The following ABCC4 variants were observed in gnomAD, a reference collection of about 807,000 sequenced individuals.
ABCC4 encodes ATP binding cassette subfamily C member 4 (PEL blood group).
In ABCC4, 102 loss-of-function variants were observed where a neutral mutation model predicts 168.5. The observed-to-expected ratio is 0.61, with a 90% CI of 0.52 to 0.71. The LOEUF (loss-of-function observed/expected upper bound fraction) is 0.71. Among genes scored for constraint, ABCC4 ranks in the 30% least tolerant of loss-of-function variants. The pLI is 0.00. For missense variants in ABCC4, 1,402 were observed against 1,605.8 expected (o/e 0.87, Z 2.17); for synonymous variants, 617 against 590.7 (o/e 1.04, Z -0.65).
chr13:95,107,138 T>G (rs1011734861), intron 20 of ABCC4, among the ~76,000 whole-genome samples: 2 of 151,978 alleles, frequency 1.3e-5, no homozygotes, highest in African/African-American at 4.8e-5. Context: ...TCACCTGTAA[T>G]CCCAGCTACC....
intron 20 of ABCC4, among the ~76,000 whole-genome samples, chr13:95,099,780 G>A (rs903021715): frequency 6.6e-5 from 10 of 152,094 alleles, no homozygotes; most frequent in Non-Finnish European, 1.5e-5. Context: ...ATGACTCAAC[G>A]CAAATGAGAG....
intron 4 of ABCC4, among the ~76,000 whole-genome samples, chr13:95,223,160 T>C (rs987398194): frequency 3.9e-5 from 6 of 152,336 alleles, no homozygotes; most frequent in Non-Finnish European, 8.8e-5. Context: ...AACAGGCCTA[T>C]GAGTTCAGCC....
intron 25 of ABCC4, among the ~76,000 whole-genome samples, chr13:95,064,311 C>T (rs1035679919): frequency 7.2e-6 from 1 of 138,572 alleles, no homozygotes; most frequent in African/African-American, 2.8e-5. Context: ...CACACACACA[C>T]CAATTGAATT....
chr13:95,057,331 T>C (rs935634493), intron 26 of ABCC4, among the ~76,000 whole-genome samples: 1 of 152,028 alleles, frequency 6.6e-6, no homozygotes, highest in Admixed American at 6.6e-5. Context: ...CCTCTGCCTC[T>C]GGGGTTCAAG....
At chr13:95,215,780 TTAAAG>T (rs1335938643) in intron 4 of ABCC4, among the ~76,000 whole-genome samples, 1 of 152,184 alleles carries the variant, frequency 6.6e-6, no homozygotes, top group African/African-American at 2.4e-5. Context: ...CTGAAATATT[TTAAAG>T]TAAATGATAA....
At chr13:95,290,103 AATAG>A (rs72443922) in intron 1 of ABCC4, among the ~76,000 whole-genome samples, 8,614 of 113,644 alleles carry the variant, frequency 0.076, 306 homozygotes, top group South Asian at 0.12. Context: ...TCTCAAAAAA[AATAG>A]ATAGATAGAT....
chr13:95,120,439 C>T (rs557947535), intron 19 of ABCC4, among the ~76,000 whole-genome samples: 2 of 151,740 alleles, frequency 1.3e-5, no homozygotes, highest in South Asian at 2.1e-4. Context: ...TGGTGGTGGG[C>T]GCCTTTAATC....
chr13:95,158,646 C>A (rs2036962042), intron 19 of ABCC4, among the ~76,000 whole-genome samples: 1 of 152,206 alleles, frequency 6.6e-6, no homozygotes, highest in Non-Finnish European at 1.5e-5. Flanking sequence ...CTACCCCACT[C>A]AAAGAACACT....
intron 19 of ABCC4, among the ~76,000 whole-genome samples, chr13:95,139,682 G>T (rs894700818): frequency 6.6e-6 from 1 of 152,158 alleles, no homozygotes; most frequent in Non-Finnish European, 1.5e-5. Context: ...CTTGTTCTTT[G>T]TTCTATGTTC....
At chr13:95,180,935 A>C (rs2037869126) in intron 11 of ABCC4, among the ~76,000 whole-genome samples, 1 of 152,184 alleles carries the variant, frequency 6.6e-6, no homozygotes, top group African/African-American at 2.4e-5. Flanking sequence ...CAAACTATTT[A>C]TGGACACGCC....
intron 6 of ABCC4, among the ~76,000 whole-genome samples, chr13:95,208,230 G>A (rs1010796532): frequency 6.6e-6 from 1 of 151,774 alleles, no homozygotes; most frequent in East Asian, 1.9e-4. Context: ...AAAGGCACCC[G>A]AGCCTGACGA....
chr13:95,148,604 A>G (rs1189469), intron 19 of ABCC4, among the ~76,000 whole-genome samples: 5,527 of 148,932 alleles, frequency 0.037, 247 homozygotes, highest in East Asian at 0.17. Flanking sequence ...ACACACACAC[A>G]CACACACACA....
At position 95,102,295 on chromosome 13, in the gene ABCC4, C is replaced by G. The variant is rs143204802; in HGVS notation, c.2535+13627G>C. Reference sequence around the variant, plus strand: ...GAGTAGCTGGGACTACAGGCACGCACCACTACACCTAGCTAATTGTTTTAT... The same window carrying G: ...GAGTAGCTGGGACTACAGGCACGCAGCACTACACCTAGCTAATTGTTTTAT... On this transcript the variant is annotated intron_variant, in intron 20 of 30. Coordinates refer to ENST00000645237, the MANE Select transcript of ABCC4 (RefSeq NM_005845.5). Among the ~76,000 whole-genome samples, 164 of 152,206 alleles carry G rather than the reference C, an allele frequency of 1.1e-3. 1 individual carries two copies. The highest frequency in any genetic ancestry group is 3.4e-3 in the Middle Eastern group (1 of 292).
intron 19 of ABCC4, among the ~76,000 whole-genome samples, chr13:95,151,400 A>G (rs1238576110): frequency 6.6e-6 from 1 of 151,320 alleles, no homozygotes; most frequent in African/African-American, 2.4e-5. Flanking sequence ...GCTTGAGCCC[A>G]GAGGGCGGAG....
chr13:95,275,028 G>A (rs1002646381), intron 1 of ABCC4, among the ~76,000 whole-genome samples: 2 of 152,174 alleles, frequency 1.3e-5, no homozygotes, highest in African/African-American at 2.4e-5. Flanking sequence ...AGTGAGCCGA[G>A]ATTGTGCCAC....
chr13:95,161,032 A>G (rs528114612), intron 19 of ABCC4, among the ~76,000 whole-genome samples, 157 bp downstream of exon 19: 2 of 110,028 alleles, frequency 1.8e-5, no homozygotes, highest in South Asian at 6.4e-4. Flanking sequence ...CTCTGGTAGG[A>G]GAAAAATATC....
At chr13:95,131,864 C>G (rs2035976538) in intron 19 of ABCC4, among the ~76,000 whole-genome samples, 1 of 151,852 alleles carries the variant, frequency 6.6e-6, no homozygotes, top group Non-Finnish European at 1.5e-5. Flanking sequence ...TAAAAATGGT[C>G]CAGGTGCAAT....
chr13:95,041,689 C>CA (rs751876120), intron 29 of ABCC4, among the ~76,000 whole-genome samples: 27 of 151,048 alleles, frequency 1.8e-4, no homozygotes, highest in Non-Finnish European at 2.7e-4. Flanking sequence ...AAAAAACAAA[C>CA]AAACAAAAAA....
chr13:95,090,944 C>T (rs759987709), intron 20 of ABCC4, among the ~76,000 whole-genome samples: 4 of 151,924 alleles, frequency 2.6e-5, no homozygotes, highest in Admixed American at 6.6e-5. Context: ...ATCAAAAATT[C>T]GAGAGACATT....
Sources: gnomAD v4.1 joint callset for allele counts (sites outside exome capture counted in the v4.1 genomes callset) on GRCh38, gnomAD v4.1.1 for gene constraint, MANE v1.5 for transcripts, NCBI Gene and HGNC (gene_info 2026-07-23, HGNC 2026-07-21) for gene names.